Variants in NBEAL1 observed in about 807,000 individuals in gnomAD.
NBEAL1 encodes neurobeachin like 1.
A neutral mutation model predicts 351.3 loss-of-function variants in NBEAL1; 273 were observed. That is an observed-to-expected ratio of 0.78 (90% CI 0.70 to 0.86). NBEAL1 has a LOEUF of 0.86. Ranked by LOEUF, NBEAL1 falls within the 40% of genes least tolerant of loss-of-function variation. NBEAL1 has a pLI of 0.00. For missense variants in NBEAL1, 2,961 were observed against 3,201.3 expected (o/e 0.92, Z 1.81); for synonymous variants, 1,050 against 1,086.4 (o/e 0.97, Z 0.66).
chr2:203,021,273 C>T (rs2060768181), intron 2 of NBEAL1, among the ~76,000 whole-genome samples: 1 of 151,930 alleles, frequency 6.6e-6, no homozygotes, highest in South Asian at 2.1e-4. Context: ...TGAGCCACTG[C>T]GCCCAGCCCA....
At chr2:203,187,938 A>G (rs904699600) in intron 44 of NBEAL1, among the ~76,000 whole-genome samples, 8 of 152,078 alleles carry the variant, frequency 5.3e-5, no homozygotes, top group African/African-American at 1.4e-4. Flanking sequence ...TCTAATAACA[A>G]TTTCCTCACT....
chr2:203,209,470 C>A, intron 53 of NBEAL1, 148 bp downstream of exon 53: 1 of 573,788 alleles, frequency 1.7e-6, no homozygotes, highest in Non-Finnish European at 3.0e-6. Context: ...CGTTTCTTAA[C>A]ATTAGATGGC....
chr2:203,017,056 C>T (rs577072546), intron 2 of NBEAL1, among the ~76,000 whole-genome samples: 2 of 152,180 alleles, frequency 1.3e-5, no homozygotes, highest in Non-Finnish European at 2.9e-5. Flanking sequence ...TCCATTTTTA[C>T]TCCTTAATAT....
chr2:203,063,328 G>T (rs1020861779), intron 6 of NBEAL1, among the ~76,000 whole-genome samples: 5 of 151,770 alleles, frequency 3.3e-5, no homozygotes, highest in African/African-American at 1.2e-4. Flanking sequence ...TGTGCCTCTA[G>T]TTCTGAGTAC....
chr2:203,113,163 C>T lies in NBEAL1; in HGVS notation c.2351C>T (p.Thr784Ile). The change falls in exon 17 of 56, where the codon ACA (threonine) becomes ATA (isoleucine). Residue 784 changes from threonine to isoleucine, a missense_variant. Physicochemically the swap from Thr to Ile is moderately conservative, Grantham distance 89 (BLOSUM62 -1). Coordinates refer to ENST00000683969, the MANE Select transcript of NBEAL1 (RefSeq NM_001378026.1). ...CTGTCATCAGCCTCCTGGGGAGGAA[C>T]AATTGAAAAATCAAAATTGATTACC... ...GILSSASWGG[T>I]IEKSKLITKL... 1.9e-6 allele frequency: 3 copies of T among 1,552,196 alleles called. No individual in the cohort carries two copies. The South Asian group carries it at 3.6e-5, about 18-fold the overall frequency.
intron 2 of NBEAL1, among the ~76,000 whole-genome samples, chr2:203,032,884 C>T (rs910261599): frequency 5.3e-5 from 8 of 151,044 alleles, no homozygotes; most frequent in African/African-American, 1.7e-4. Context: ...AGGCTGGTCT[C>T]GAACTCCTGA....
chr2:203,107,627 C>G lies in NBEAL1; in HGVS notation c.1388C>G (p.Thr463Ser). 6.4e-7 allele frequency: 1 copy of G among 1,551,984 alleles called. No homozygotes were observed. The highest frequency in any genetic ancestry group is 8.7e-7 in the Non-Finnish European group (1 of 1,146,958). ...LMNMAVEGDH[T>S]SVGILGISNV... is the part of the protein sequence containing the mutation. ...TTTCAGGCTGTAGAGGGTGACCACA[C>G]TTCAGTTGGGATTTTGGGCATTAGT... The change falls in exon 14 of 56, where the codon ACT becomes AGT. Residue 463 changes from threonine (T) to serine (S), a missense_variant. By Grantham distance (58) the Thr-to-Ser change is moderately conservative (BLOSUM62 1). Coordinates refer to ENST00000683969, the MANE Select transcript of NBEAL1 (RefSeq NM_001378026.1).
At chr2:203,094,404 T>C (rs2062132907) in intron 10 of NBEAL1, among the ~76,000 whole-genome samples, 1 of 152,238 alleles carries the variant, frequency 6.6e-6, no homozygotes, top group Admixed American at 6.5e-5. Context: ...TATTTGTTTG[T>C]TAGTAAAGAA....
At position 203,110,193 on chromosome 2, in the gene NBEAL1, C is replaced by T; in HGVS notation, c.1993C>T (p.His665Tyr). The T allele has an allele frequency of 6.4e-7, 1 of 1,553,090 alleles. No homozygotes were observed. Among genetic ancestry groups the T allele is most frequent in the Non-Finnish European group, 8.7e-7 (1 of 1,147,300 alleles). ...CATGGGTTTTGAAGCCTTTATTACC[C>T]ATTCAGGTATGTTGGTCGTGGCAGT... Reference protein sequence around the residue: ...SGMGFEAFITHSGMLVVAVCT... With the variant: ...SGMGFEAFITYSGMLVVAVCT... The change falls in exon 15 of 56, where the codon CAT becomes TAT. Residue 665 changes from histidine (H) to tyrosine (Y), a missense_variant. By Grantham distance (83) the His-to-Tyr change is moderately conservative (BLOSUM62 2). Transcript: ENST00000683969.
intron 3 of NBEAL1, among the ~76,000 whole-genome samples, chr2:203,048,182 G>C (rs1457879042): frequency 1.3e-5 from 2 of 151,994 alleles, no homozygotes; most frequent in African/African-American, 4.8e-5. Context: ...AGGAGATTGA[G>C]ACCATCCTGG....
intron 15 of NBEAL1, 149 bp from the exon 16 acceptor site, chr2:203,111,830 T>A: frequency 1.1e-6 from 1 of 872,660 alleles, no homozygotes; most frequent in Non-Finnish European, 1.7e-6. Flanking sequence ...ATGGAAAAAA[T>A]TGTTACTTTG....
At chr2:203,067,135 T>C (rs2061606964) in intron 6 of NBEAL1, among the ~76,000 whole-genome samples, 1 of 152,240 alleles carries the variant, frequency 6.6e-6, no homozygotes, top group Non-Finnish European at 1.5e-5. Context: ...AATTTTATCC[T>C]TTTAAAATTA....
At chr2:203,137,196 A>G (rs1478855733) in intron 29 of NBEAL1, among the ~76,000 whole-genome samples, 1 of 152,242 alleles carries the variant, frequency 6.6e-6, no homozygotes, top group Non-Finnish European at 1.5e-5. Context: ...CACAGGTTGC[A>G]GGCCACACAT....
intron 36 of NBEAL1, among the ~76,000 whole-genome samples, chr2:203,161,141 C>T (rs1035407109): frequency 2.0e-5 from 3 of 151,922 alleles, no homozygotes; most frequent in Admixed American, 6.6e-5. Context: ...TCCTCACTAA[C>T]ACGGTGAAAC....
In NBEAL1 at chr2:203,110,253, C is replaced by T; in HGVS notation, c.2053C>T (p.Pro685Ser). The part of the protein sequence containing the change: ...TKREYATVML[P>S]DHSFCDSLWH... ...AAGAGAATATGCAACGGTTATGCTT[C>T]CTGACCACAGTTTCTGTGATTCCCT... Residue 685 changes from proline (P) to serine (S), a missense_variant, in exon 15 of 56, where the codon CCT becomes TCT. Transcript: ENST00000683969. 4 of 1,552,546 alleles carry T rather than the reference C, an allele frequency of 2.6e-6. No individual in the cohort carries two copies. Among genetic ancestry groups the T allele is most frequent in the Non-Finnish European group, 3.5e-6 (4 of 1,147,118 alleles).
intron 55 of NBEAL1, among the ~76,000 whole-genome samples, chr2:203,216,787 GTTA>G (rs1197495618): frequency 2.6e-5 from 4 of 151,966 alleles, no homozygotes; most frequent in Non-Finnish European, 5.9e-5. Context: ...TATTATTATT[GTTA>G]TTATTATGTG....
chr2:203,133,763 A>G (rs1172923961), intron 27 of NBEAL1, among the ~76,000 whole-genome samples: 3 of 151,024 alleles, frequency 2.0e-5, no homozygotes, highest in Non-Finnish European at 4.4e-5. Flanking sequence ...TAGAGTTTAT[A>G]TATATATACA....
rs539789110 is a variant in NBEAL1, at chr2:203,040,116, G to A, written c.52-1649G>A. On this transcript the variant is annotated intron_variant, in intron 2 of 55. Coordinates refer to ENST00000683969, the MANE Select transcript of NBEAL1 (RefSeq NM_001378026.1). ...CCTTCAACACTAGAAAGATGGCAGA[G>A]CAAGAGCAAAGAAAAATCCATTTGG... 51 of 1,067,034 alleles carry A rather than the reference G, an allele frequency of 4.8e-5. No individual in the cohort carries two copies. In the Middle Eastern group the frequency reaches 1.2e-3, roughly 24 times the overall value. 66.1% of individuals were successfully genotyped at this position (1,067,034 alleles called of 1,614,324 possible).
intron 47 of NBEAL1, among the ~76,000 whole-genome samples, chr2:203,194,453 A>G (rs2065179254): frequency 6.6e-6 from 1 of 152,112 alleles, no homozygotes; most frequent in South Asian, 2.1e-4. Flanking sequence ...GATAGCATTA[A>G]CCCTTCACAA....
Sources: allele counts gnomAD v4.1 joint callset (sites outside exome capture counted in the v4.1 genomes callset), GRCh38; gene constraint gnomAD v4.1.1; transcripts MANE v1.5; gene names NCBI Gene and HGNC (gene_info 2026-07-23, HGNC 2026-07-21).